Variants in SPMIP3 observed in about 807,000 individuals in gnomAD.
SPMIP3 encodes protein SPMIP3.
At chr1:244,368,082 T>C in the SPMIP3 span, among the ~76,000 whole-genome samples, 1 of 152,108 alleles carries the variant, frequency 6.6e-6, no homozygotes, top group Non-Finnish European at 1.5e-5. Context: ...TGCCTCAGCC[T>C]CTCGAGTGCT....
the SPMIP3 span, among the ~76,000 whole-genome samples, chr1:244,359,858 C>T: frequency 2.0e-5 from 3 of 151,910 alleles, no homozygotes; most frequent in Non-Finnish European, 4.4e-5. Flanking sequence ...CGCCTGTAAT[C>T]CCAGCACTTT....
At chr1:244,364,883 C>T in the SPMIP3 span, 3 of 1,020,784 alleles carry the variant, frequency 2.9e-6, no homozygotes, top group East Asian at 2.4e-5. Flanking sequence ...TAGGGAAGCT[C>T]TTTGGATATT....
the SPMIP3 span, among the ~76,000 whole-genome samples, chr1:244,381,186 G>A: frequency 9.3e-4 from 142 of 151,924 alleles, 1 homozygote; most frequent in Middle Eastern, 3.4e-3. Flanking sequence ...AGTTGCTGGG[G>A]GCTGAGGAGG....
At chr1:244,389,088 A>G in the SPMIP3 span, 29 of 1,590,772 alleles carry the variant, frequency 1.8e-5, no homozygotes, top group East Asian at 6.3e-4. Context: ...TTCGAACAAA[A>G]TAACGTTTGG....
the SPMIP3 span, among the ~76,000 whole-genome samples, chr1:244,381,719 TGAGAAGTTC>T: frequency 6.6e-6 from 1 of 152,026 alleles, no homozygotes; most frequent in South Asian, 2.1e-4. Context: ...TCACCTGAGG[TGAGAAGTTC>T]GAGACCAGCC....
chr1:244,375,631 T>G, the SPMIP3 span: 78 of 481,522 alleles, frequency 1.6e-4, no homozygotes, highest in Non-Finnish European at 2.0e-4. Flanking sequence ...CTGTTAATGT[T>G]TTTTTTTTTA....
At chr1:244,361,129 G>C in the SPMIP3 span, among the ~76,000 whole-genome samples, 3 of 151,990 alleles carry the variant, frequency 2.0e-5, no homozygotes, top group African/African-American at 7.2e-5. Context: ...ACGGTGGATG[G>C]TTAATGGAAC....
the SPMIP3 span, among the ~76,000 whole-genome samples, chr1:244,373,741 G>A: frequency 4.5e-4 from 68 of 151,796 alleles, no homozygotes; most frequent in Non-Finnish European, 5.4e-4. Context: ...AGCAAAAACC[G>A]CAATTACTTT....
At chr1:244,360,465 C>T in the SPMIP3 span, among the ~76,000 whole-genome samples, 19 of 149,490 alleles carry the variant, frequency 1.3e-4, 1 homozygote, top group South Asian at 3.8e-3. Context: ...ATGGAATCAA[C>T]CCAAGTGTCT....
the SPMIP3 span, among the ~76,000 whole-genome samples, chr1:244,380,105 T>C: frequency 2.0e-5 from 3 of 150,684 alleles, no homozygotes; most frequent in Admixed American, 6.7e-5. Flanking sequence ...GATGAATTAC[T>C]TCATTCACAG....
chr1:244,378,746 C>A, the SPMIP3 span: 2 of 1,235,456 alleles, frequency 1.6e-6, no homozygotes, highest in Non-Finnish European at 2.3e-6. Context: ...TGGGACCAGT[C>A]GAGTTGGAGG....
chr1:244,379,538 C>CA, the SPMIP3 span, among the ~76,000 whole-genome samples: 13 of 152,176 alleles, frequency 8.5e-5, no homozygotes, highest in Non-Finnish European at 1.6e-4. Context: ...TGTCACATGA[C>CA]AAAATCATTA....
chr1:244,370,709 T>C, the SPMIP3 span, among the ~76,000 whole-genome samples: 2 of 152,210 alleles, frequency 1.3e-5, no homozygotes, highest in Non-Finnish European at 2.9e-5. Context: ...ACAGAGTTTG[T>C]ATGAAAATAG....
At chr1:244,376,229 C>T in the SPMIP3 span, among the ~76,000 whole-genome samples, 10 of 152,116 alleles carry the variant, frequency 6.6e-5, no homozygotes, top group Non-Finnish European at 1.5e-4. Flanking sequence ...TTCTGAACGT[C>T]AGGCACAGCC....
At chr1:244,363,297 A>G in the SPMIP3 span, among the ~76,000 whole-genome samples, 1 of 151,982 alleles carries the variant, frequency 6.6e-6, no homozygotes, top group Admixed American at 6.6e-5. Flanking sequence ...AATCCCAGCT[A>G]CTCAGGAGGC....
chr1:244,372,619 A>G, the SPMIP3 span, among the ~76,000 whole-genome samples: 1 of 151,888 alleles, frequency 6.6e-6, no homozygotes, highest in South Asian at 2.1e-4. Flanking sequence ...AATTTTTTGT[A>G]TTTTTAGTAG....
the SPMIP3 span, among the ~76,000 whole-genome samples, chr1:244,362,277 G>A: frequency 9.2e-5 from 14 of 152,192 alleles, no homozygotes; most frequent in Admixed American, 2.6e-4. Flanking sequence ...AATAGTCCTA[G>A]TTTTGTTTTG....
At chr1:244,369,658 A>C in the SPMIP3 span, among the ~76,000 whole-genome samples, 1 of 151,510 alleles carries the variant, frequency 6.6e-6, no homozygotes, top group Non-Finnish European at 1.5e-5. Context: ...GTGGTGTCTG[A>C]TTTACATAGG....
the SPMIP3 span, chr1:244,388,952 T>C: frequency 4.3e-6 from 7 of 1,611,446 alleles, no homozygotes; most frequent in East Asian, 8.9e-5. Flanking sequence ...AAATTCCAGA[T>C]TGGAACCAGA....
Sources: allele counts gnomAD v4.1 joint callset (sites outside exome capture counted in the v4.1 genomes callset), GRCh38; gene constraint gnomAD v4.1.1; transcripts MANE v1.5; gene names NCBI Gene and HGNC (gene_info 2026-07-23, HGNC 2026-07-21).